WRAP53: variants seen among roughly 807,000 people sequenced by gnomAD.
The protein encoded by WRAP53 is WD repeat containing antisense to TP53.
In WRAP53, 28 loss-of-function variants were observed where a neutral mutation model predicts 56.6. The ratio of observed to expected loss-of-function variants is 0.50; its 90% CI spans 0.37 to 0.68. WRAP53 has a LOEUF of 0.68. Ranked by LOEUF, WRAP53 falls within the 30% of genes least tolerant of loss-of-function variation. The pLI, the probability that WRAP53 is intolerant of heterozygous loss-of-function variation, is 0.00. For missense variants in WRAP53, 671 were observed against 715.5 expected (o/e 0.94, Z 0.71); for synonymous variants, 283 against 283.4 (o/e 1.00, Z 0.01).
intron 4 of WRAP53, among the ~76,000 whole-genome samples, chr17:7,690,864 A>T (rs1407625280): frequency 2.6e-5 from 4 of 152,116 alleles, no homozygotes. Flanking sequence ...GTCAGACAAA[A>T]TTGTACCACT....
intron 3 of WRAP53, 120 bp downstream of exon 3, chr17:7,689,442 C>A (rs570571157): frequency 1.6e-6 from 2 of 1,274,624 alleles, no homozygotes; most frequent in African/African-American, 1.5e-5. Context: ...CCCTTTTAGA[C>A]TGAGCTTACA....
At position 7,688,679 on chromosome 17, in the gene WRAP53, C is replaced by T. The variant is rs17880282; in HGVS notation, c.31C>T (p.Pro11Ser). 7,259 of 1,614,206 alleles carry T rather than the reference C, an allele frequency of 4.5e-3. 235 individuals carry two copies. The African/African-American group carries it at 0.078, about 17-fold the overall frequency. Reference sequence around the variant, plus strand: ...GACTTTGGAGACTCAACCGTTAGCTCCGGACTGCTGTCCTTCAGACCAGGA... The same window carrying T: ...GACTTTGGAGACTCAACCGTTAGCTTCGGACTGCTGTCCTTCAGACCAGGA... MKTLETQPLA[P>S]DCCPSDQDPA... Residue 11 changes from proline (P) to serine (S), a missense_variant, in exon 2 of 11, where the codon CCG (proline) becomes TCG (serine). Pro to Ser is a moderately conservative substitution (Grantham distance 74). This residue lies in a region of WRAP53 where 406 missense variants were observed against 418.5 expected (regional missense o/e 0.97). Transcript: ENST00000396463.
At chr17:7,686,161 T>G (rs924623941), upstream of WRAP53, 2 of 152,242 alleles carry the variant, frequency 1.3e-5, no homozygotes, top group East Asian at 1.9e-4. Flanking sequence ...GCCCGCCCCT[T>G]CCGCTTCACG....
At position 7,695,366 on chromosome 17, in the gene WRAP53, T is replaced by G. The variant is rs964380459; in HGVS notation, c.643-5375T>G. Among the ~76,000 whole-genome samples, 8 of 152,180 alleles carry G rather than the reference T, an allele frequency of 5.3e-5. 1 individual carries two copies. Among genetic ancestry groups the G allele is most frequent in the Non-Finnish European group, 5.9e-5 (4 of 68,026 alleles). On this transcript the variant is annotated intron_variant, in intron 4 of 10. Coordinates refer to ENST00000396463, the MANE Select transcript of WRAP53 (RefSeq NM_001143992.2). Reference sequence around the variant, plus strand: ...TCCCAATATAGTTTCTCGGGTTTTCTCCTTTCTTTTCCACCTTTTCACAGA... The same window carrying G: ...TCCCAATATAGTTTCTCGGGTTTTCGCCTTTCTTTTCCACCTTTTCACAGA...
In WRAP53 at chr17:7,702,990, C is replaced by A. The variant is rs2074295909; in HGVS notation, c.1269-3C>A. On this transcript the variant is annotated splice_region_variant and splice_polypyrimidine_tract_variant and intron_variant, in intron 9 of 10. Coordinates refer to ENST00000396463, the MANE Select transcript of WRAP53 (RefSeq NM_001143992.2). This position sits in a 1 kb window ranked among gnomAD's most constrained non-coding sequence, Gnocchi z 5.0. ...GCCAGCAAATCTCTCCTCTCTCTCG[C>A]AGGACCGGGCAGTTCCTAGTGAGTG... The A allele has an allele frequency of 6.2e-7, 1 of 1,613,722 alleles. No homozygotes were observed. Among genetic ancestry groups the A allele is most frequent in the African/African-American group, 1.3e-5 (1 of 74,926 alleles).
At position 7,697,320 on chromosome 17, in the gene WRAP53, C is replaced by CAA. The variant is rs71159522; in HGVS notation, c.643-3409_643-3408dup. Among the ~76,000 whole-genome samples, 546 of 94,998 alleles carry CAA rather than the reference C, an allele frequency of 5.7e-3. 7 individuals are homozygous for CAA. Among genetic ancestry groups the CAA allele is most frequent in the Middle Eastern group, 0.021 (3 of 140 alleles). The allele number at this position is 94,998 out of a possible 152,430, so 62.3% of individuals were successfully genotyped here. On this transcript the variant is annotated intron_variant, in intron 4 of 10. Transcript: ENST00000396463. ...TGGGGACAGAGGGAGACTCTGCCTC[C>CAA]AAAAAAAAAAAAAGAAAAGAAAAAG...
Position 7,702,633 on chromosome 17 carries a change from G to T in WRAP53, c.1164+81G>T. ...ATGTAGTCTGCAGTGTAGGGGAATG[G>T]GTGGGGATGGGGAAAAAATCCCAAG... On this transcript the variant is annotated intron_variant, in intron 8 of 10. Transcript: ENST00000396463. This position sits in a 1 kb window ranked among gnomAD's most constrained non-coding sequence, Gnocchi z 5.0. 6.3e-7 allele frequency: 1 copy of T among 1,595,332 alleles called. No homozygotes were observed. The highest frequency in any genetic ancestry group is 8.5e-7 in the Non-Finnish European group (1 of 1,174,234).
intron 3 of WRAP53, 73 bp downstream of exon 3, chr17:7,689,395 AG>A: frequency 6.7e-7 from 1 of 1,503,138 alleles, no homozygotes; most frequent in East Asian, 2.3e-5. Context: ...GTTTTCTAGG[AG>A]AGGGATGCCC....
rs1231248811 is a variant in WRAP53, at chr17:7,699,474, A to ATATATT, written c.643-1266_643-1265insATATTT. On this transcript the variant is annotated intron_variant, in intron 4 of 10. Coordinates refer to ENST00000396463, the MANE Select transcript of WRAP53 (RefSeq NM_001143992.2). ...TATATATATTTATATATATATATAT[A>ATATATT]TTTATATATATATATATATATATAT... 4.2e-3 allele frequency among the ~76,000 whole-genome samples: 104 copies of ATATATT among 24,758 alleles called. 4 individuals are homozygous for ATATATT. The highest frequency in any genetic ancestry group is 5.9e-3 in the Non-Finnish European group (83 of 14,148). 16.2% of individuals were successfully genotyped at this position (24,758 alleles called of 152,430 possible).
Position 7,703,305 on chromosome 17 carries a change from C to G in WRAP53, c.1466C>G (p.Thr489Arg), listed in dbSNP as rs750216846. 1 of 1,613,936 alleles carries G rather than the reference C, an allele frequency of 6.2e-7. No individual in the cohort carries two copies. The highest frequency in any genetic ancestry group is 2.2e-5 in the East Asian group (1 of 44,868). Reference sequence around the variant, plus strand: ...GGTCAGCGTGTGTTTCCTGAGCCCACAGAGAGTGGGGACGAAGGAGAGGAG... The same window carrying G: ...GGTCAGCGTGTGTTTCCTGAGCCCAGAGAGAGTGGGGACGAAGGAGAGGAG... Reference protein sequence around the residue: ...ASGQRVFPEPTESGDEGEELG... With the variant: ...ASGQRVFPEPRESGDEGEELG... Residue 489 changes from threonine (T) to arginine (R), a missense_variant, in exon 11 of 11, where the codon ACA becomes AGA. Thr to Arg is a moderately conservative substitution (Grantham distance 71). Around this residue, in one of 3 missense-constraint regions of WRAP53, gnomAD observed 107 missense variants for 81.3 expected, o/e 1.32. Coordinates refer to ENST00000396463, the MANE Select transcript of WRAP53 (RefSeq NM_001143992.2).
chr17:7,702,164 GTC>G lies in WRAP53; in HGVS notation c.956-179_956-178del. 1 of 736,096 alleles carries G rather than the reference GTC, an allele frequency of 1.4e-6. No homozygotes were observed. Among genetic ancestry groups the G allele is most frequent in the Non-Finnish European group, 2.3e-6 (1 of 430,260 alleles). 45.6% of individuals were successfully genotyped at this position (736,096 alleles called of 1,614,324 possible). Reference sequence around the variant, plus strand: ...GATGAAGTGGGGCTTGGGCATTTAGGTCCTTTGGGAGGATAGATGTGGGGAGC... The same window carrying G: ...GATGAAGTGGGGCTTGGGCATTTAGGCTTTGGGAGGATAGATGTGGGGAGC... On this transcript the variant is annotated intron_variant, in intron 7 of 10. Transcript: ENST00000396463. The surrounding 1 kb of genome is among the most constrained non-coding windows in gnomAD (Gnocchi z 5.0).
chr17:7,702,494 G>C lies in WRAP53; in HGVS notation c.1106G>C (p.Gly369Ala). 1 of 1,613,514 alleles carries C rather than the reference G, an allele frequency of 6.2e-7. No homozygotes were observed. The change falls in exon 8 of 11, where the codon GGC becomes GCC. Residue 369 changes from glycine (G) to alanine (A), a missense_variant. Around this residue, in one of 3 missense-constraint regions of WRAP53, gnomAD observed 158 missense variants for 215.7 expected, o/e 0.73. Transcript: ENST00000396463. The surrounding 1 kb of genome is among the most constrained non-coding windows in gnomAD (Gnocchi z 5.0). ...GCCTTGCTGGGAGGGCACCAAGGGGGCATCACCCACCTCTGCTTTCATCCC... is the reference window on the plus strand; with the variant it reads ...GCCTTGCTGGGAGGGCACCAAGGGGCCATCACCCACCTCTGCTTTCATCCC... ...PLALLGGHQGGITHLCFHPDG... is the reference protein window; with the variant it reads ...PLALLGGHQGAITHLCFHPDG...
chr17:7,693,523 G>A (rs1001977707), intron 4 of WRAP53, among the ~76,000 whole-genome samples: 1 of 151,808 alleles, frequency 6.6e-6, no homozygotes, highest in African/African-American at 2.4e-5. Flanking sequence ...ATTCAAGACC[G>A]ACCTGGCCAA....
intron 4 of WRAP53, among the ~76,000 whole-genome samples, chr17:7,693,025 G>A (rs760896353): frequency 6.6e-5 from 10 of 151,526 alleles, no homozygotes; most frequent in African/African-American, 1.5e-4. Context: ...ACAAGCATGA[G>A]CCACCGCGCC....
Position 7,689,485 on chromosome 17 carries a change from T to G in WRAP53, c.531-105T>G, listed in dbSNP as rs1322322668. The G allele has an allele frequency of 3.1e-6, 4 of 1,310,316 alleles. No individual in the cohort carries two copies. The African/African-American group carries it at 5.8e-5, about 19-fold the overall frequency. 81.2% of individuals were successfully genotyped at this position (1,310,316 alleles called of 1,614,324 possible). ...TAGCAGTTTGTGTCTTCTACTTCCCTCAAGGATTCAGGGGGGCTTACCTAC... is the reference window on the plus strand; with the variant it reads ...TAGCAGTTTGTGTCTTCTACTTCCCGCAAGGATTCAGGGGGGCTTACCTAC... On this transcript the variant is annotated intron_variant, in intron 3 of 10. Coordinates refer to ENST00000396463, the MANE Select transcript of WRAP53 (RefSeq NM_001143992.2).
At chr17:7,689,897 CTG>C (rs2074086173) in intron 4 of WRAP53, among the ~76,000 whole-genome samples, 196 bp downstream of exon 4, 2 of 152,128 alleles carry the variant, frequency 1.3e-5, no homozygotes, top group Non-Finnish European at 2.9e-5. Flanking sequence ...AATTAGGAAT[CTG>C]TGTTTTTTGC....
chr17:7,701,862 CG>C lies in WRAP53; in HGVS notation c.955+78del. 1.9e-6 allele frequency: 3 copies of C among 1,564,922 alleles called. No homozygotes were observed. Among genetic ancestry groups the C allele is most frequent in the Non-Finnish European group, 8.6e-7 (1 of 1,156,366 alleles). ...ACCTGCACAGGGGCCTTTTGTGAGC[CG>C]GGGGCCACCTGTGGGGGTTCACGCC... On this transcript the variant is annotated intron_variant, in intron 7 of 10. Coordinates refer to ENST00000396463, the MANE Select transcript of WRAP53 (RefSeq NM_001143992.2). The surrounding 1 kb of genome is among the most constrained non-coding windows in gnomAD (Gnocchi z 4.2).
chr17:7,688,757 G>T lies in WRAP53; in HGVS notation c.109G>T (p.Asp37Tyr). 1 of 1,614,120 alleles carries T rather than the reference G, an allele frequency of 6.2e-7. No homozygotes were observed. Among genetic ancestry groups the T allele is most frequent in the Non-Finnish European group, 8.5e-7 (1 of 1,180,028 alleles). ...CGCTTCCCCGATGAATAAAAATGCG[G>T]ACTCTGAACTGATGCCACCGCCTCC... is the stretch of plus-strand genomic sequence containing the variant. ...PHASPMNKNADSELMPPPPER... is the reference protein window; with the variant it reads ...PHASPMNKNAYSELMPPPPER... The change falls in exon 2 of 11, where the codon GAC becomes TAC. Residue 37 changes from aspartate (D) to tyrosine (Y), a missense_variant. Around this residue, in one of 3 missense-constraint regions of WRAP53, gnomAD observed 406 missense variants for 418.5 expected, o/e 0.97. Transcript: ENST00000396463.
intron 4 of WRAP53, among the ~76,000 whole-genome samples, chr17:7,689,953 T>G (rs977730744): frequency 2.6e-5 from 4 of 152,202 alleles, no homozygotes; most frequent in Non-Finnish European, 5.9e-5. Context: ...TATATTTCTA[T>G]TTCTTATTTT....
Sources: gnomAD v4.1 joint callset for allele counts (sites outside exome capture counted in the v4.1 genomes callset) on GRCh38, gnomAD v4.1.1 for gene constraint, gnomAD v4.1.1 regional missense constraint, Gnocchi (gnomAD v3.1) non-coding constraint, MANE v1.5 for transcripts, NCBI Gene and HGNC (gene_info 2026-07-23, HGNC 2026-07-21) for gene names.